The following NME5 variants were observed in gnomAD, a reference collection of about 807,000 sequenced individuals.
NME5 encodes the protein NME/NM23 family member 5.
A neutral mutation model predicts 21.6 loss-of-function variants in NME5; 18 were observed. The ratio of observed to expected loss-of-function variants is 0.83; its 90% CI spans 0.58 to 1.24. The LOEUF (loss-of-function observed/expected upper bound fraction) is 1.24, where lower values mean the gene tolerates loss of function less well. Ranked by LOEUF, NME5 falls within the 50% of genes most tolerant of loss-of-function variation. The pLI is 0.00. For synonymous variants in NME5, 70 were observed against 80.6 expected (o/e 0.87, Z 0.71); for missense variants, 223 against 255.4 (o/e 0.87, Z 0.86).
Position 138,115,778 on chromosome 5 carries a change from A to G in NME5, c.556-14T>C. ...AGCTAGCCAAATCTATGGGAAAAAA[A>G]AAAACAACCTAAGTTAAGAAACAGT... On this transcript the variant is annotated splice_polypyrimidine_tract_variant and intron_variant, in intron 5 of 5. Coordinates refer to ENST00000265191, the MANE Select transcript of NME5 (RefSeq NM_003551.3). The G allele has an allele frequency of 6.5e-7, 1 of 1,547,566 alleles. No individual in the cohort carries two copies. The highest frequency in any genetic ancestry group is 8.7e-7 in the Non-Finnish European group (1 of 1,149,284).
intron 5 of NME5, among the ~76,000 whole-genome samples, chr5:138,117,346 A>G (rs2151156549): frequency 6.6e-6 from 1 of 152,266 alleles, no homozygotes; most frequent in Non-Finnish European, 1.5e-5. Flanking sequence ...AATAAAAGAA[A>G]AAATAAATAA....
At chr5:138,121,035 A>G (rs988185043) in intron 4 of NME5, among the ~76,000 whole-genome samples, 1 of 152,084 alleles carries the variant, frequency 6.6e-6, no homozygotes, top group Non-Finnish European at 1.5e-5. Flanking sequence ...TATAATATAC[A>G]TATATTATGA....
chr5:138,139,399 T>C lies in NME5; in HGVS notation c.-34A>G. On this transcript the variant is annotated 5_prime_UTR_variant, in exon 1 of 6. Coordinates refer to ENST00000265191, the MANE Select transcript of NME5 (RefSeq NM_003551.3). Reference sequence around the variant, plus strand: ...AGCGGCCGTCCTCATATGGTACAACTTGTTGCTAGGAGACCTGAAGCCCCA... The same window carrying C: ...AGCGGCCGTCCTCATATGGTACAACCTGTTGCTAGGAGACCTGAAGCCCCA... 2 of 985,516 alleles carry C rather than the reference T, an allele frequency of 2.0e-6. No homozygotes were observed. Among genetic ancestry groups the C allele is most frequent in the Non-Finnish European group, 2.4e-6 (2 of 830,114 alleles). 61.0% of individuals were successfully genotyped at this position (985,516 alleles called of 1,614,324 possible).
At position 138,134,270 on chromosome 5, in the gene NME5, G is replaced by C. The variant is rs1422341454; in HGVS notation, c.129+4382C>G. ...TTGTTTGTTTGTTTTTTGAGATGGA[G>C]TCTTGCTTTGTTGCCCAGGCTGGAG... On this transcript the variant is annotated intron_variant, in intron 2 of 5. Transcript: ENST00000265191. Among the ~76,000 whole-genome samples the C allele has an allele frequency of 2.0e-5, 3 of 150,630 alleles. 1 individual carries two copies. The highest frequency in any genetic ancestry group is 4.4e-5 in the Non-Finnish European group (3 of 67,774).
In NME5 at chr5:138,118,899, C is replaced by T. The variant is rs1178896181; in HGVS notation, c.474G>A (p.Lys158=). 1 of 1,613,062 alleles carries T rather than the reference C, an allele frequency of 6.2e-7. No homozygotes were observed. Among genetic ancestry groups the T allele is most frequent in the East Asian group, 2.2e-5 (1 of 44,858 alleles). Residue 158 remains lysine, a synonymous_variant, in exon 5 of 6, where the codon AAG becomes AAA. Transcript: ENST00000265191. ...VEPIPIGQAA[K]DYLNLHIMPT... ...GCATTATATGTAAATTTAAATAGTC[C>T]TTAGCAGCTTGTCCAATTGGAATGG...
intron 3 of NME5, 65 bp downstream of exon 3, chr5:138,129,198 A>ATTTT: frequency 9.2e-7 from 1 of 1,091,444 alleles, no homozygotes; most frequent in Non-Finnish European, 1.3e-6. Context: ...ATGAAATCAG[A>ATTTT]TTTTTTTTTT....
At chr5:138,137,912 T>C (rs925815808) in intron 2 of NME5, among the ~76,000 whole-genome samples, 1 of 151,686 alleles carries the variant, frequency 6.6e-6, no homozygotes, top group African/African-American at 2.4e-5. Flanking sequence ...GGCAGGAGAA[T>C]TGCTTGAACC....
At chr5:138,133,310 G>T (rs1055063001) in intron 2 of NME5, among the ~76,000 whole-genome samples, 11 of 151,778 alleles carry the variant, frequency 7.2e-5, no homozygotes, top group African/African-American at 2.4e-4. Context: ...GTTTCACCGT[G>T]TTAGCCAGGA....
chr5:138,124,872 CA>C lies in NME5; in HGVS notation c.436+3606del, dbSNP rs540177587. 5.5e-3 allele frequency among the ~76,000 whole-genome samples: 835 copies of C among 152,236 alleles called. 8 individuals carry two copies. Among genetic ancestry groups the C allele is most frequent in the Middle Eastern group, 0.014 (4 of 294 alleles). On this transcript the variant is annotated intron_variant, in intron 4 of 5. Transcript: ENST00000265191. ...AAAAAGAGTGTTTTCATGTTTCTTA[CA>C]TGGATGAACTTTAAGTTTTTTAAGT...
chr5:138,121,233 T>C (rs904863425), intron 4 of NME5, among the ~76,000 whole-genome samples: 10 of 151,892 alleles, frequency 6.6e-5, no homozygotes, highest in African/African-American at 2.4e-4. Flanking sequence ...AATACCAGCC[T>C]GGGCAATATG....
chr5:138,137,346 C>T (rs1015484558), intron 2 of NME5, among the ~76,000 whole-genome samples: 5 of 151,600 alleles, frequency 3.3e-5, no homozygotes, highest in Non-Finnish European at 7.4e-5. Flanking sequence ...TGAGACAGAT[C>T]TCCCTCTATT....
chr5:138,118,221 G>C (rs1437322756), intron 5 of NME5, among the ~76,000 whole-genome samples: 20 of 149,284 alleles, frequency 1.3e-4, no homozygotes, highest in Non-Finnish European at 2.2e-4. Context: ...CGCCTCCTGG[G>C]TTCACGCCAT....
rs115728122 is a variant in NME5, at chr5:138,125,408, T to C, written c.436+3071A>G. On this transcript the variant is annotated intron_variant, in intron 4 of 5. Coordinates refer to ENST00000265191, the MANE Select transcript of NME5 (RefSeq NM_003551.3). ...GCCTGGGTAATGTAGTGAGACCCCATCTCTACAAAAAAATTAAAAAATTAG... is the reference window on the plus strand; with the variant it reads ...GCCTGGGTAATGTAGTGAGACCCCACCTCTACAAAAAAATTAAAAAATTAG... 6.1e-3 allele frequency among the ~76,000 whole-genome samples: 924 copies of C among 152,138 alleles called. 6 individuals carry two copies. Among genetic ancestry groups the C allele is most frequent in the Non-Finnish European group, 0.01 (699 of 68,010 alleles).
chr5:138,117,970 T>TGA (rs1751199919), intron 5 of NME5, among the ~76,000 whole-genome samples: 1 of 151,132 alleles, frequency 6.6e-6, no homozygotes. Flanking sequence ...GGCAACAGAG[T>TGA]GAGACTCCGT....
chr5:138,127,550 TA>T, intron 4 of NME5: 2 of 983,090 alleles, frequency 2.0e-6, no homozygotes, highest in Non-Finnish European at 1.2e-6. Flanking sequence ...AATAACATAC[TA>T]AAAAAATCCA....
intron 2 of NME5, among the ~76,000 whole-genome samples, chr5:138,136,457 C>T (rs1009814511): frequency 2.0e-5 from 3 of 152,042 alleles, no homozygotes; most frequent in Non-Finnish European, 2.9e-5. Context: ...TGTGACCATC[C>T]ATCTGTTCTG....
At chr5:138,136,718 C>T (rs757707120) in intron 2 of NME5, among the ~76,000 whole-genome samples, 3 of 152,038 alleles carry the variant, frequency 2.0e-5, no homozygotes, top group Admixed American at 6.6e-5. Context: ...TCTCGGCTCA[C>T]GGCAACCTCC....
intron 2 of NME5, among the ~76,000 whole-genome samples, chr5:138,130,692 A>G (rs1751541170): frequency 6.6e-6 from 1 of 151,984 alleles, no homozygotes; most frequent in Admixed American, 6.6e-5. Flanking sequence ...TGGGAGGCCG[A>G]GGTGGGTGGA....
Position 138,138,114 on chromosome 5 carries a change from A to G in NME5, c.129+538T>C, listed in dbSNP as rs1751750392. On this transcript the variant is annotated intron_variant, in intron 2 of 5. Transcript: ENST00000265191. ...TCACTTTCAAACCCCTAGAATGACA[A>G]TGTTTACTAATTGCAGAACATAAGG... Among the ~76,000 whole-genome samples, 5 of 152,362 alleles carry G rather than the reference A, an allele frequency of 3.3e-5. No individual in the cohort carries two copies. In the South Asian group the frequency reaches 1.0e-3, roughly 32 times the overall value.
Sources: gnomAD v4.1 joint callset for allele counts (sites outside exome capture counted in the v4.1 genomes callset) on GRCh38, gnomAD v4.1.1 for gene constraint, MANE v1.5 for transcripts, NCBI Gene and HGNC (gene_info 2026-07-23, HGNC 2026-07-21) for gene names.